Variants in METTL25 observed in about 807,000 individuals in gnomAD.
METTL25 encodes methyltransferase like 25, also known as probable methyltransferase-like protein 25.
METTL25 carries 64 observed loss-of-function variants against 71.6 expected under a neutral mutation model. The observed-to-expected ratio is 0.89, with a 90% CI of 0.73 to 1.10. METTL25 has a LOEUF of 1.10. METTL25 is among the 50% of genes least tolerant of loss of function. METTL25 has a pLI of 0.00. For missense variants in METTL25, 807 were observed against 707.0 expected (o/e 1.14, Z -1.60); for synonymous variants, 287 against 250.3 (o/e 1.15, Z -1.38).
At position 82,472,414 on chromosome 12, in the gene METTL25, C is replaced by T. The variant is rs374430828; in HGVS notation, c.1573-4230C>T. The stretch of plus-strand genomic sequence containing the variant: ...GAGATCGAGCCCATCCTGGCTAACA[C>T]GGTGAAACCCCATCTCTACTAAAAA... On this transcript the variant is annotated intron_variant, in intron 9 of 11. Transcript: ENST00000248306. Among the ~76,000 whole-genome samples, 63 of 152,174 alleles carry T rather than the reference C, an allele frequency of 4.1e-4. 1 individual carries two copies. Among genetic ancestry groups the T allele is most frequent in the South Asian group, 4.1e-4 (2 of 4,826 alleles).
At chr12:82,392,396 A>C (rs1328285139) in intron 3 of METTL25, among the ~76,000 whole-genome samples, 1 of 151,742 alleles carries the variant, frequency 6.6e-6, no homozygotes, top group Admixed American at 6.6e-5. Flanking sequence ...GAGAATGATG[A>C]TTTCCAATTT....
At position 82,479,044 on chromosome 12, in the gene METTL25, T is replaced by C; in HGVS notation, c.*20T>C. ...CAGTGATTTCCATTGAAGCAAATTA[T>C]TAGATGTATTTCTCTATGAGACCTG... On this transcript the variant is annotated 3_prime_UTR_variant, in exon 12 of 12. Transcript: ENST00000248306. 1 of 1,597,680 alleles carries C rather than the reference T, an allele frequency of 6.3e-7. No individual in the cohort carries two copies. Among genetic ancestry groups the C allele is most frequent in the African/African-American group, 1.3e-5 (1 of 74,640 alleles).
At chr12:82,465,446 T>C (rs1892167288) in intron 9 of METTL25, among the ~76,000 whole-genome samples, 1 of 152,018 alleles carries the variant, frequency 6.6e-6, no homozygotes, top group African/African-American at 2.4e-5. Flanking sequence ...ATTCCTGAGA[T>C]ATAGCTCACT....
chr12:82,432,499 A>G (rs1305464228), intron 6 of METTL25, among the ~76,000 whole-genome samples: 1 of 151,722 alleles, frequency 6.6e-6, no homozygotes, highest in Non-Finnish European at 1.5e-5. Context: ...TAGACTATCT[A>G]AAAGAAAAGA....
chr12:82,426,095 A>G (rs182437319), intron 5 of METTL25, among the ~76,000 whole-genome samples: 2 of 152,252 alleles, frequency 1.3e-5, no homozygotes, highest in East Asian at 3.9e-4. Context: ...GGTGAACTCT[A>G]ACTTTGATTC....
chr12:82,380,359 C>A (rs1356641998), intron 1 of METTL25, among the ~76,000 whole-genome samples: 1 of 151,974 alleles, frequency 6.6e-6, no homozygotes, highest in Non-Finnish European at 1.5e-5. Flanking sequence ...ACAGTAAACC[C>A]TCATGACAAA....
chr12:82,358,591 T>G lies in METTL25; in HGVS notation c.26T>G (p.Val9Gly), dbSNP rs1213172888. The G allele has an allele frequency of 6.2e-7, 1 of 1,612,362 alleles. No homozygotes were observed. The highest frequency in any genetic ancestry group is 8.5e-7 in the Non-Finnish European group (1 of 1,179,930). Residue 9 changes from valine (V) to glycine (G), a missense_variant, in exon 1 of 12, where the codon GTG becomes GGG. By Grantham distance (109) the Val-to-Gly change is moderately radical. Coordinates refer to ENST00000248306, the MANE Select transcript of METTL25 (RefSeq NM_032230.3). The stretch of plus-strand genomic sequence containing the variant: ...ATGGCGGCTTCTTGCCCTCTCCCGG[T>G]GACCCCGGACCTGCCCACGCTGCGT... MAASCPLP[V>G]TPDLPTLRAK... is the part of the protein sequence containing the mutation.
At chr12:82,384,418 C>G (rs1884758551) in intron 1 of METTL25, among the ~76,000 whole-genome samples, 1 of 127,884 alleles carries the variant, frequency 7.8e-6, no homozygotes, top group Admixed American at 8.7e-5. Context: ...TCCCTCCCCC[C>G]TCCCTCTCTC....
intron 9 of METTL25, among the ~76,000 whole-genome samples, chr12:82,466,049 A>C (rs1371689444): frequency 6.6e-6 from 1 of 150,752 alleles, no homozygotes; most frequent in Admixed American, 6.6e-5. Context: ...TTTCAAAAAA[A>C]CAATTTTTTG....
Position 82,410,131 on chromosome 12 carries a change from TATAAC to T in METTL25, c.1279+7005_1279+7009del, listed in dbSNP as rs561191680. ...ACGTGTTGAGCACATCGTTTGAACA[TATAAC>T]ATACTGTTTAAGCTTACTTAAACAA... On this transcript the variant is annotated intron_variant, in intron 5 of 11. Coordinates refer to ENST00000248306, the MANE Select transcript of METTL25 (RefSeq NM_032230.3). Among the ~76,000 whole-genome samples, 214 of 152,212 alleles carry T rather than the reference TATAAC, an allele frequency of 1.4e-3. 1 individual carries two copies. Among genetic ancestry groups the T allele is most frequent in the African/African-American group, 4.3e-3 (178 of 41,512 alleles).
At chr12:82,450,117 C>T (rs576929861) in intron 8 of METTL25, among the ~76,000 whole-genome samples, 7 of 152,198 alleles carry the variant, frequency 4.6e-5, no homozygotes, top group Non-Finnish European at 1.0e-4. Context: ...TCACCTTTCA[C>T]TCTTGTTCTT....
intron 1 of METTL25, among the ~76,000 whole-genome samples, chr12:82,385,279 C>G (rs932587478): frequency 1.3e-5 from 2 of 152,000 alleles, no homozygotes; most frequent in African/African-American, 2.4e-5. Context: ...ACTTATCTTG[C>G]TTTAAGTTTT....
chr12:82,428,809 A>G (rs1489948860), intron 5 of METTL25, among the ~76,000 whole-genome samples: 2 of 151,840 alleles, frequency 1.3e-5, no homozygotes, highest in Non-Finnish European at 2.9e-5. Flanking sequence ...ATAATAGTAT[A>G]CCTACTTCAC....
intron 9 of METTL25, among the ~76,000 whole-genome samples, chr12:82,467,552 A>T (rs952228254): frequency 6.6e-6 from 1 of 152,036 alleles, no homozygotes; most frequent in South Asian, 2.1e-4. Flanking sequence ...TCTGGGTATC[A>T]TTATCTTGGC....
intron 5 of METTL25, among the ~76,000 whole-genome samples, chr12:82,422,554 G>C (rs143407531): frequency 4.6e-4 from 70 of 152,248 alleles, no homozygotes; most frequent in African/African-American, 1.6e-3. Context: ...AGGGCAATTA[G>C]GCAGGAGAAG....
chr12:82,366,116 C>A (rs1882544911), intron 1 of METTL25, among the ~76,000 whole-genome samples: 2 of 152,170 alleles, frequency 1.3e-5, no homozygotes, highest in Non-Finnish European at 2.9e-5. Flanking sequence ...AAAAAGAATA[C>A]CTGGCCTCAT....
intron 1 of METTL25, among the ~76,000 whole-genome samples, chr12:82,381,766 C>T (rs183733289): frequency 6.6e-5 from 10 of 152,246 alleles, no homozygotes; most frequent in South Asian, 2.1e-4. Context: ...GAAGGCAAAG[C>T]CTTAAAATGT....
chr12:82,428,880 A>G (rs1228647337), intron 5 of METTL25, among the ~76,000 whole-genome samples: 4 of 151,816 alleles, frequency 2.6e-5, no homozygotes, highest in African/African-American at 9.7e-5. Flanking sequence ...TAGTGTCTCA[A>G]TGTTAAGTGC....
At chr12:82,438,637 G>A (rs992387656) in intron 7 of METTL25, 81 bp from the exon 8 acceptor site, 22 of 823,330 alleles carry the variant, frequency 2.7e-5, no homozygotes, top group African/African-American at 1.1e-4. Flanking sequence ...TGACAGTCAC[G>A]TGTGGTTCCA....
Sources: gnomAD v4.1 joint callset for allele counts (sites outside exome capture counted in the v4.1 genomes callset) on GRCh38, gnomAD v4.1.1 for gene constraint, MANE v1.5 for transcripts, NCBI Gene and HGNC (gene_info 2026-07-23, HGNC 2026-07-21) for gene names.